CACNG4: variants seen among roughly 807,000 people sequenced by gnomAD.
CACNG4 encodes the protein voltage-dependent calcium channel gamma-4 subunit.
A neutral mutation model predicts 22.9 loss-of-function variants in CACNG4; 8 were observed. That is an observed-to-expected ratio of 0.35 (90% CI 0.21 to 0.63). The LOEUF is 0.63. Ranked by LOEUF, CACNG4 falls within the 30% of genes least tolerant of loss-of-function variation. The pLI, the probability that CACNG4 is intolerant of heterozygous loss-of-function variation, is 0.72. For synonymous variants in CACNG4, 188 were observed against 191.9 expected (o/e 0.98, Z 0.17); for missense variants, 357 against 455.4 (o/e 0.78, Z 1.97).
At chr17:67,015,051 A>T (rs1274543382) in intron 1 of CACNG4, among the ~76,000 whole-genome samples, 1 of 152,084 alleles carries the variant, frequency 6.6e-6, no homozygotes, top group Non-Finnish European at 1.5e-5. Context: ...GAACAATCTC[A>T]TTCACTCTCC....
At chr17:66,996,248 A>T (rs2035374040) in intron 1 of CACNG4, among the ~76,000 whole-genome samples, 1 of 135,976 alleles carries the variant, frequency 7.4e-6, no homozygotes, top group South Asian at 2.1e-4. Context: ...CAGAAGGCAG[A>T]GTGGATTTTT....
chr17:67,023,832 C>T (rs184952953), intron 2 of CACNG4, among the ~76,000 whole-genome samples: 166 of 152,276 alleles, frequency 1.1e-3, no homozygotes, highest in African/African-American at 3.9e-3. Flanking sequence ...CTGCCTTGGC[C>T]TCCCAAAGTG....
chr17:67,000,059 T>A (rs2143323913), intron 1 of CACNG4, among the ~76,000 whole-genome samples: 1 of 152,186 alleles, frequency 6.6e-6, no homozygotes, highest in Middle Eastern at 3.4e-3. Context: ...CCTAATCAGG[T>A]GATGAATGTG....
chr17:66,983,702 G>T lies in CACNG4; in HGVS notation c.220+18571G>T, dbSNP rs140643597. Among the ~76,000 whole-genome samples, 50 of 152,330 alleles carry T rather than the reference G, an allele frequency of 3.3e-4. No homozygotes were observed. In the East Asian group the frequency reaches 7.5e-3, roughly 23 times the overall value. On this transcript the variant is annotated intron_variant, in intron 1 of 3. Transcript: ENST00000262138. ...GGTGAAAATCATTCTGCTCGAGACA[G>T]ATCCTTTAAGAAGACATTAACCATG... is the stretch of plus-strand genomic sequence containing the variant.
chr17:67,012,703 AC>A (rs2035475421), intron 1 of CACNG4, among the ~76,000 whole-genome samples: 1 of 152,080 alleles, frequency 6.6e-6, no homozygotes. Flanking sequence ...CAGGCAACCT[AC>A]TCAGTGCTGT....
chr17:66,977,301 C>T (rs1023925014), intron 1 of CACNG4, among the ~76,000 whole-genome samples: 1 of 152,176 alleles, frequency 6.6e-6, no homozygotes, highest in African/African-American at 2.4e-5. Context: ...TACCTGAAGC[C>T]CCATGGATCC....
Position 67,024,851 on chromosome 17 carries a change from C to T in CACNG4, c.305-9C>T, listed in dbSNP as rs2143368824. On this transcript the variant is annotated splice_polypyrimidine_tract_variant and intron_variant, in intron 2 of 3. Transcript: ENST00000262138. ...CCCTCTGCTTTGTGCCCCCCACCTC[C>T]CCGGCCAGGCATCGTGCGAGCCTCC... 6.5e-7 allele frequency: 1 copy of T among 1,532,504 alleles called. No homozygotes were observed. The highest frequency in any genetic ancestry group is 8.8e-7 in the Non-Finnish European group (1 of 1,141,416). 94.9% of individuals were successfully genotyped at this position (1,532,504 alleles called of 1,614,324 possible). A position where few individuals can be genotyped will look rare whatever the true frequency, so the allele number is the denominator to read the frequency against.
At chr17:66,968,921 G>T (rs1380207092) in intron 1 of CACNG4, among the ~76,000 whole-genome samples, 2 of 150,788 alleles carry the variant, frequency 1.3e-5, no homozygotes, top group African/African-American at 4.9e-5. Flanking sequence ...TCCACTGTGT[G>T]CTAGACTGGT....
chr17:66,968,734 C>T (rs1424774548), intron 1 of CACNG4, among the ~76,000 whole-genome samples: 1 of 104,838 alleles, frequency 9.5e-6, no homozygotes, highest in Non-Finnish European at 2.0e-5. Context: ...CCTTCCTCTC[C>T]TCCCCTCCCC....
intron 1 of CACNG4, among the ~76,000 whole-genome samples, chr17:66,982,015 G>A (rs367740002): frequency 6.6e-6 from 1 of 152,212 alleles, no homozygotes; most frequent in African/African-American, 2.4e-5. Flanking sequence ...TGTGTCCAGA[G>A]TTGATTCATT....
chr17:66,978,172 A>T (rs2035249455), intron 1 of CACNG4, among the ~76,000 whole-genome samples: 1 of 152,182 alleles, frequency 6.6e-6, no homozygotes, highest in African/African-American at 2.4e-5. Context: ...TCTGCCTCCT[A>T]CTAGCTGTGG....
intron 1 of CACNG4, among the ~76,000 whole-genome samples, chr17:66,996,799 T>A (rs1057480798): frequency 1.3e-5 from 2 of 152,150 alleles, no homozygotes; most frequent in East Asian, 3.9e-4. Flanking sequence ...TTAGAAATAA[T>A]GCAGGAGGTT....
At chr17:66,970,876 G>A (rs1225417295) in intron 1 of CACNG4, among the ~76,000 whole-genome samples, 1 of 152,224 alleles carries the variant, frequency 6.6e-6, no homozygotes, top group African/African-American at 2.4e-5. Flanking sequence ...CCTTCAAAAA[G>A]TCTCAGTAGG....
At chr17:66,983,356 G>C (rs2035287715) in intron 1 of CACNG4, among the ~76,000 whole-genome samples, 1 of 152,198 alleles carries the variant, frequency 6.6e-6, no homozygotes, top group Admixed American at 6.5e-5. Context: ...AGGTTGTGGG[G>C]TGGCTCAGTG....
In CACNG4 at chr17:67,027,887, G is replaced by A. The variant is rs895609836; in HGVS notation, c.446-2579G>A. Among the ~76,000 whole-genome samples the A allele has an allele frequency of 1.2e-4, 18 of 152,110 alleles. No individual in the cohort carries two copies. The highest frequency in any genetic ancestry group is 5.9e-4 in the Admixed American group (9 of 15,266). ...ATACAAAAATTAGCTGGGTTTGGTG[G>A]CAGGTGCCTGTAATCCCAGCTACTT... On this transcript the variant is annotated intron_variant, in intron 3 of 3. Transcript: ENST00000262138. This position sits in a 1 kb window ranked among gnomAD's most constrained non-coding sequence, Gnocchi z 4.3.
intron 1 of CACNG4, among the ~76,000 whole-genome samples, chr17:66,982,926 T>C (rs913743500): frequency 7.2e-5 from 11 of 152,182 alleles, no homozygotes; most frequent in African/African-American, 2.7e-4. Context: ...ATAGATTAAC[T>C]TGCTTAATCC....
intron 2 of CACNG4, among the ~76,000 whole-genome samples, chr17:67,020,678 G>A (rs1333002669): frequency 6.6e-6 from 1 of 152,232 alleles, no homozygotes; most frequent in Non-Finnish European, 1.5e-5. Flanking sequence ...GCAGGTGCCT[G>A]TGAGCTTGAA....
At chr17:67,028,147 T>C (rs1307086800) in intron 3 of CACNG4, among the ~76,000 whole-genome samples, 1 of 152,190 alleles carries the variant, frequency 6.6e-6, no homozygotes, top group Non-Finnish European at 1.5e-5. Context: ...AGGGCAGGAC[T>C]GCTGGACCCC....
At chr17:67,019,272 C>G (rs111358611) in intron 2 of CACNG4, among the ~76,000 whole-genome samples, 2,528 of 152,218 alleles carry the variant, frequency 0.017, 41 homozygotes, top group South Asian at 0.044. Context: ...CCCATAGAGC[C>G]TGGGGCAGTG....
Sources: allele counts gnomAD v4.1 joint callset (sites outside exome capture counted in the v4.1 genomes callset), GRCh38; gene constraint gnomAD v4.1.1; non-coding constraint Gnocchi (gnomAD v3.1); transcripts MANE v1.5; gene names NCBI Gene and HGNC (gene_info 2026-07-23, HGNC 2026-07-21).